Variants in PDGFC observed in about 807,000 individuals in gnomAD.
The protein encoded by PDGFC is platelet-derived growth factor C.
Under a neutral mutation model 35.5 loss-of-function variants are expected in PDGFC, and 12 were observed. The observed-to-expected ratio is 0.34, with a 90% CI of 0.22 to 0.55. The LOEUF (loss-of-function observed/expected upper bound fraction) is 0.55, where lower values mean the gene tolerates loss of function less well. PDGFC is among the 20% of genes least tolerant of loss of function. The pLI is 0.91. For missense variants in PDGFC, 322 were observed against 412.4 expected (o/e 0.78, Z 1.90); for synonymous variants, 159 against 148.8 (o/e 1.07, Z -0.50).
intron 1 of PDGFC, among the ~76,000 whole-genome samples, chr4:156,864,867 C>T (rs989188525): frequency 1.3e-5 from 2 of 152,082 alleles, no homozygotes; most frequent in African/African-American, 4.8e-5. Flanking sequence ...GTATGTTAAA[C>T]TTCTGAACCA....
intron 1 of PDGFC, among the ~76,000 whole-genome samples, chr4:156,929,573 G>T (rs531146532): frequency 1.7e-4 from 26 of 151,814 alleles, no homozygotes; most frequent in Non-Finnish European, 8.8e-5. Flanking sequence ...ACAGCCTTCC[G>T]GAATATACCA....
chr4:156,793,553 AT>A (rs1731354876), intron 3 of PDGFC, among the ~76,000 whole-genome samples: 3 of 145,374 alleles, frequency 2.1e-5, no homozygotes, highest in Admixed American at 1.4e-4. Context: ...ATATATATAT[AT>A]ATATATATAA....
chr4:156,839,246 T>C (rs1729141337), intron 2 of PDGFC, among the ~76,000 whole-genome samples: 1 of 152,204 alleles, frequency 6.6e-6, no homozygotes, highest in African/African-American at 2.4e-5. Context: ...ATGCAAGCCC[T>C]GCCTCAGCTT....
At chr4:156,782,507 G>A (rs1402876393) in intron 3 of PDGFC, among the ~76,000 whole-genome samples, 1 of 152,098 alleles carries the variant, frequency 6.6e-6, no homozygotes, top group Non-Finnish European at 1.5e-5. Context: ...TGAAGTGTTT[G>A]GGCATTTTTT....
chr4:156,794,287 T>C (rs1731380662), intron 3 of PDGFC, among the ~76,000 whole-genome samples: 1 of 152,130 alleles, frequency 6.6e-6, no homozygotes, highest in South Asian at 2.1e-4. Flanking sequence ...AAGAGCATGG[T>C]ATATATTAGA....
In PDGFC at chr4:156,901,853, C is replaced by G. The variant is rs183546123; in HGVS notation, c.119-51437G>C. Reference sequence around the variant, plus strand: ...TCTCAAACTCCTTGCCTCAAGTGATCTGCCCGCCTCGGCCTCCCAAAGTTC... The same window carrying G: ...TCTCAAACTCCTTGCCTCAAGTGATGTGCCCGCCTCGGCCTCCCAAAGTTC... On this transcript the variant is annotated intron_variant, in intron 1 of 5. Coordinates refer to ENST00000502773, the MANE Select transcript of PDGFC (RefSeq NM_016205.3). Among the ~76,000 whole-genome samples, 383 of 152,176 alleles carry G rather than the reference C, an allele frequency of 2.5e-3. 1 individual carries two copies. Among genetic ancestry groups the G allele is most frequent in the African/African-American group, 9.0e-3 (372 of 41,520 alleles).
intron 1 of PDGFC, among the ~76,000 whole-genome samples, chr4:156,919,943 G>A (rs150692091): frequency 1.9e-3 from 292 of 152,242 alleles, no homozygotes; most frequent in African/African-American, 6.7e-3. Flanking sequence ...CCTCATGAAT[G>A]GATTGGTGTC....
Position 156,795,282 on chromosome 4 carries a change from AG to A in PDGFC, c.495+15554del, listed in dbSNP as rs572671827. On this transcript the variant is annotated intron_variant, in intron 3 of 5. Transcript: ENST00000502773. ...TACTATAAAAAACTGCTGTTAAGTC[AG>A]GTATGAGAGAGATAACTGTGAAATA... Among the ~76,000 whole-genome samples the A allele has an allele frequency of 5.6e-3, 852 of 152,356 alleles. 8 individuals are homozygous for A. The highest frequency in any genetic ancestry group is 0.019 in the African/African-American group (789 of 41,580).
chr4:156,917,540 C>T (rs879432844), intron 1 of PDGFC, among the ~76,000 whole-genome samples: 2 of 152,160 alleles, frequency 1.3e-5, no homozygotes, highest in South Asian at 2.1e-4. Flanking sequence ...ATAATCCCCA[C>T]GTGGAACTTA....
chr4:156,770,117 A>G (rs986438126), intron 4 of PDGFC: 2 of 152,054 alleles, frequency 1.3e-5, no homozygotes, highest in African/African-American at 4.8e-5. Context: ...CTTAGTTGTG[A>G]TACCTGCTAC....
intron 1 of PDGFC, among the ~76,000 whole-genome samples, chr4:156,947,662 G>A (rs768103701): frequency 1.3e-5 from 2 of 151,986 alleles, no homozygotes; most frequent in Non-Finnish European, 2.9e-5. Context: ...TCTAAGAAAC[G>A]AGATTGTCAC....
At chr4:156,766,858 T>C (rs1730543931) in intron 5 of PDGFC, among the ~76,000 whole-genome samples, 1 of 152,120 alleles carries the variant, frequency 6.6e-6, no homozygotes, top group Non-Finnish European at 1.5e-5. Context: ...GTTTCCATTC[T>C]AGAGCTCGGC....
intron 3 of PDGFC, among the ~76,000 whole-genome samples, chr4:156,777,251 C>A (rs918669213): frequency 6.6e-6 from 1 of 152,242 alleles, no homozygotes; most frequent in Middle Eastern, 3.4e-3. Context: ...TCCTAAAAAT[C>A]TGAAGGAAAC....
At chr4:156,783,656 T>G (rs1397730662) in intron 3 of PDGFC, among the ~76,000 whole-genome samples, 2 of 152,214 alleles carry the variant, frequency 1.3e-5, no homozygotes, top group African/African-American at 4.8e-5. Context: ...TGTCTAGCAC[T>G]ACATCAAATT....
chr4:156,864,058 T>G (rs1017023072), intron 1 of PDGFC, among the ~76,000 whole-genome samples: 4 of 152,142 alleles, frequency 2.6e-5, no homozygotes, highest in African/African-American at 9.7e-5. Flanking sequence ...CTACTGTATC[T>G]CCTAACACAT....
chr4:156,920,072 T>C (rs1370247711), intron 1 of PDGFC, among the ~76,000 whole-genome samples: 1 of 152,072 alleles, frequency 6.6e-6, no homozygotes, highest in African/African-American at 2.4e-5. Context: ...TGCTCCCCCT[T>C]CTCCTTTCTC....
intron 1 of PDGFC, among the ~76,000 whole-genome samples, chr4:156,969,553 C>T (rs1732541546): frequency 6.6e-6 from 1 of 152,146 alleles, no homozygotes; most frequent in Admixed American, 6.5e-5. Context: ...ACTTTCTGTG[C>T]TTTCTTAAAC....
chr4:156,761,657 T>C lies in PDGFC; in HGVS notation c.*1433A>G, dbSNP rs1373320622. The C allele has an allele frequency of 1.3e-5, 2 of 152,642 alleles. No homozygotes were observed. The highest frequency in any genetic ancestry group is 1.9e-4 in the East Asian group (1 of 5,198). The allele number at this position is 152,642 out of a possible 1,614,324, so 9.5% of individuals were successfully genotyped here. A position where few individuals can be genotyped will look rare whatever the true frequency, so the allele number is the denominator to read the frequency against. On this transcript the variant is annotated 3_prime_UTR_variant, in exon 6 of 6. Transcript: ENST00000502773. ...CACATTCTTTTATTTGATGATTCAATACATTTTTGATTCAAATAGTCACCA... is the reference window on the plus strand; with the variant it reads ...CACATTCTTTTATTTGATGATTCAACACATTTTTGATTCAAATAGTCACCA...
chr4:156,817,161 A>C (rs372411665), intron 2 of PDGFC, among the ~76,000 whole-genome samples: 20 of 152,178 alleles, frequency 1.3e-4, no homozygotes, highest in East Asian at 7.7e-4. Flanking sequence ...CTAAAAAAAA[A>C]CTACAAATAT....
Sources: allele counts gnomAD v4.1 joint callset (sites outside exome capture counted in the v4.1 genomes callset), GRCh38; gene constraint gnomAD v4.1.1; transcripts MANE v1.5; gene names NCBI Gene and HGNC (gene_info 2026-07-23, HGNC 2026-07-21).